Variants in ANKRD6 observed in about 807,000 individuals in gnomAD.
ANKRD6 encodes ankyrin repeat domain-containing protein 6.
Under a neutral mutation model 82.3 loss-of-function variants are expected in ANKRD6, and 56 were observed. That is an observed-to-expected ratio of 0.68 (90% confidence interval 0.55 to 0.85). The LOEUF (loss-of-function observed/expected upper bound fraction) is 0.85. ANKRD6 is among the 40% of genes least tolerant of loss of function. The probability of loss-of-function intolerance (pLI) is 0.00; values close to 1 mark genes in which losing one functional copy is unlikely to be tolerated. For missense variants in ANKRD6, 852 were observed against 907.6 expected, an observed-to-expected ratio of 0.94 and a Z score of 0.79; for synonymous variants, 347 against 352.1, an observed-to-expected ratio of 0.99 and a Z score of 0.16.
intron 2 of ANKRD6, among the ~76,000 whole-genome samples, chr6:89,568,949 T>A (rs1022141679): frequency 1.4e-5 from 2 of 141,278 alleles, no homozygotes; most frequent in African/African-American, 2.6e-5. Context: ...TTTTTTTTTT[T>A]AGACAGTGTG....
intron 1 of ANKRD6, among the ~76,000 whole-genome samples, chr6:89,500,419 A>G (rs558580004): frequency 2.0e-5 from 3 of 152,350 alleles, no homozygotes; most frequent in African/African-American, 7.2e-5. Context: ...AATGGAATGA[A>G]TATACCATGG....
intron 1 of ANKRD6, among the ~76,000 whole-genome samples, chr6:89,453,850 T>G (rs539049530): frequency 2.1e-3 from 318 of 151,984 alleles, no homozygotes; most frequent in Non-Finnish European, 3.4e-3. Flanking sequence ...CGCCCAGGCT[T>G]GAGTGCAGTG....
intron 5 of ANKRD6, among the ~76,000 whole-genome samples, chr6:89,606,654 G>T (rs939454315): frequency 1.1e-4 from 16 of 152,144 alleles, no homozygotes; most frequent in Non-Finnish European, 2.2e-4. Context: ...TCAAGGGTTT[G>T]AGACCAGCCT....
chr6:89,478,807 A>T (rs1009140444), intron 1 of ANKRD6, among the ~76,000 whole-genome samples: 112 of 151,732 alleles, frequency 7.4e-4, no homozygotes, highest in African/African-American at 2.4e-3. Flanking sequence ...AAATTTTTTT[A>T]AAAGAAATGA....
At chr6:89,463,910 A>G (rs561785970) in intron 1 of ANKRD6, among the ~76,000 whole-genome samples, 1 of 152,140 alleles carries the variant, frequency 6.6e-6, no homozygotes, top group Non-Finnish European at 1.5e-5. Context: ...GCTTCAATAA[A>G]TCTTTCTCAT....
chr6:89,476,630 TA>T (rs1320327420), intron 1 of ANKRD6, among the ~76,000 whole-genome samples: 3 of 152,230 alleles, frequency 2.0e-5, no homozygotes, highest in African/African-American at 7.2e-5. Context: ...ATATTTAATA[TA>T]AAACTAGATA....
At chr6:89,599,437 C>G (rs1418357636) in intron 3 of ANKRD6, among the ~76,000 whole-genome samples, 1 of 152,136 alleles carries the variant, frequency 6.6e-6, no homozygotes, top group East Asian at 1.9e-4. Flanking sequence ...TCTACCTTTT[C>G]CCAGCATTTA....
At chr6:89,535,292 A>T (rs1163467941) in intron 1 of ANKRD6, among the ~76,000 whole-genome samples, 1 of 152,208 alleles carries the variant, frequency 6.6e-6, no homozygotes, top group Non-Finnish European at 1.5e-5. Flanking sequence ...AAAGGCCTGC[A>T]GTATAAAATG....
intron 1 of ANKRD6, among the ~76,000 whole-genome samples, chr6:89,536,657 G>A (rs370522519): frequency 2.6e-5 from 4 of 152,226 alleles, no homozygotes; most frequent in African/African-American, 9.6e-5. Flanking sequence ...GTGTCTGCGC[G>A]TGCGCTGTCA....
chr6:89,515,892 G>A (rs1037899907), intron 1 of ANKRD6, among the ~76,000 whole-genome samples: 4 of 152,336 alleles, frequency 2.6e-5, no homozygotes, highest in African/African-American at 4.8e-5. Flanking sequence ...AGAGACGCAC[G>A]AAGAGAAGGT....
At chr6:89,544,728 A>G (rs549519952) in intron 1 of ANKRD6, among the ~76,000 whole-genome samples, 1 of 152,072 alleles carries the variant, frequency 6.6e-6, no homozygotes, top group African/African-American at 2.4e-5. Flanking sequence ...AAAACCCCAA[A>G]AAACAAAAAA....
chr6:89,547,204 G>A (rs1263039700), intron 1 of ANKRD6, among the ~76,000 whole-genome samples: 1 of 152,014 alleles, frequency 6.6e-6, no homozygotes, highest in Admixed American at 6.6e-5. Flanking sequence ...ATTTGGGGGG[G>A]GGGTTACATA....
intron 3 of ANKRD6, among the ~76,000 whole-genome samples, chr6:89,599,026 G>T (rs1483056674): frequency 6.6e-6 from 1 of 152,058 alleles, no homozygotes; most frequent in Non-Finnish European, 1.5e-5. Flanking sequence ...TAAAATGAGA[G>T]AATTAGACAT....
At chr6:89,622,718 C>T (rs997629162) in intron 10 of ANKRD6, among the ~76,000 whole-genome samples, 62 of 152,106 alleles carry the variant, frequency 4.1e-4, no homozygotes, top group African/African-American at 1.2e-3. Flanking sequence ...GCTCTTGTGC[C>T]GTGTAGCCCT....
In ANKRD6 at chr6:89,591,088, A is replaced by G. The variant is rs759245127; in HGVS notation, c.121-4828A>G. 8.3e-4 allele frequency among the ~76,000 whole-genome samples: 126 copies of G among 151,830 alleles called. 1 individual carries two copies. Among genetic ancestry groups the G allele is most frequent in the Non-Finnish European group, 1.6e-3 (110 of 67,940 alleles). ...ACTCAGGGCAAATTGATGCTTTAAA[A>G]CTTCGTCCTTTTTTTCTTTTCTTTC... is the stretch of plus-strand genomic sequence containing the variant. On this transcript the variant is annotated intron_variant, in intron 2 of 15. Transcript: ENST00000339746.
chr6:89,539,886 C>A lies in ANKRD6; in HGVS notation c.-143-26948C>A, dbSNP rs548385870. On this transcript the variant is annotated intron_variant, in intron 1 of 15. Transcript: ENST00000339746. The stretch of plus-strand genomic sequence containing the variant: ...TTTTGGATTCTACAAAAAAAAAAAA[C>A]CAGATGTTTTTGCGATGTTTGTCTT... Among the ~76,000 whole-genome samples the A allele has an allele frequency of 9.7e-4, 146 of 150,922 alleles. 1 individual carries two copies. Among genetic ancestry groups the A allele is most frequent in the East Asian group, 9.5e-3 (49 of 5,156 alleles).
At position 89,499,266 on chromosome 6, in the gene ANKRD6, A is replaced by G. The variant is rs547192653; in HGVS notation, c.-144+65891A>G. On this transcript the variant is annotated intron_variant, in intron 1 of 15. Coordinates refer to ENST00000339746, the MANE Select transcript of ANKRD6 (RefSeq NM_001242809.2). ...AAAGGAGCCTAAGTTTCTGAGGGTA[A>G]TGGTAAACTGTCACCAACTGTAGAC... Among the ~76,000 whole-genome samples, 7 of 152,318 alleles carry G rather than the reference A, an allele frequency of 4.6e-5. No homozygotes were observed. The South Asian group carries it at 1.5e-3, about 32-fold the overall frequency.
chr6:89,584,648 T>A (rs1381000371), intron 2 of ANKRD6, among the ~76,000 whole-genome samples: 1 of 152,206 alleles, frequency 6.6e-6, no homozygotes, highest in Non-Finnish European at 1.5e-5. Flanking sequence ...GAGCAATGTG[T>A]AAGAATTATA....
chr6:89,456,332 A>G (rs372629310), intron 1 of ANKRD6, among the ~76,000 whole-genome samples: 2 of 152,190 alleles, frequency 1.3e-5, no homozygotes, highest in Non-Finnish European at 2.9e-5. Context: ...GGGCTGCCAT[A>G]ACAAAGTACT....
Sources: gnomAD v4.1 joint callset for allele counts (sites outside exome capture counted in the v4.1 genomes callset) on GRCh38, gnomAD v4.1.1 for gene constraint, MANE v1.5 for transcripts, NCBI Gene and HGNC (gene_info 2026-07-23, HGNC 2026-07-21) for gene names.